Variants in GHR observed in about 807,000 individuals in gnomAD.
GHR encodes the protein GH receptor.
A neutral mutation model predicts 67.1 loss-of-function variants in GHR; 35 were observed. The observed-to-expected ratio is 0.52, with a 90% CI of 0.40 to 0.69. GHR has a LOEUF of 0.69. Among genes scored for constraint, GHR ranks in the 30% least tolerant of loss-of-function variants. GHR has a pLI of 0.00. For missense variants in GHR, 792 were observed against 764.6 expected (o/e 1.04, Z -0.42); for synonymous variants, 272 against 269.1 (o/e 1.01, Z -0.10).
chr5:42,560,035 A>G (rs995834674), intron 1 of GHR, among the ~76,000 whole-genome samples: 3 of 152,184 alleles, frequency 2.0e-5, no homozygotes, highest in Non-Finnish European at 4.4e-5. Context: ...CCCATATATT[A>G]ATTTATTAAC....
chr5:42,566,206 A>G (rs572576202), intron 2 of GHR, among the ~76,000 whole-genome samples: 17 of 152,296 alleles, frequency 1.1e-4, no homozygotes, highest in Admixed American at 6.5e-4. Context: ...GAGGACATTT[A>G]TGTTGAAGAC....
chr5:42,700,338 G>A (rs1270421972), intron 6 of GHR, among the ~76,000 whole-genome samples: 1 of 152,174 alleles, frequency 6.6e-6, no homozygotes, highest in Non-Finnish European at 1.5e-5. Flanking sequence ...TTGTGATCCA[G>A]TCAACAGTGA....
chr5:42,674,460 T>TCCTCATGGAGTAAC (rs1756472055), intron 3 of GHR, among the ~76,000 whole-genome samples: 1 of 152,150 alleles, frequency 6.6e-6, no homozygotes, highest in African/African-American at 2.4e-5. Context: ...CTAGAACATT[T>TCCTCATGGAGTAAC]TCATTACTTC....
At chr5:42,494,215 C>T (rs1746228621) in intron 1 of GHR, among the ~76,000 whole-genome samples, 1 of 152,062 alleles carries the variant, frequency 6.6e-6, no homozygotes, top group Non-Finnish European at 1.5e-5. Context: ...GGCTTTCTTT[C>T]TAGTGTAACA....
intron 1 of GHR, among the ~76,000 whole-genome samples, chr5:42,475,270 C>T (rs1191992297): frequency 6.6e-6 from 1 of 152,028 alleles, no homozygotes; most frequent in Non-Finnish European, 1.5e-5. Flanking sequence ...TATGCTTGGG[C>T]TGGAATTTCC....
chr5:42,505,358 T>C (rs2112245681), intron 1 of GHR, among the ~76,000 whole-genome samples: 1 of 152,050 alleles, frequency 6.6e-6, no homozygotes. Context: ...TTTTTTTTGC[T>C]TTTACAAGTA....
intron 2 of GHR, among the ~76,000 whole-genome samples, chr5:42,583,386 C>T (rs1006773004): frequency 2.0e-5 from 3 of 152,318 alleles, no homozygotes; most frequent in Admixed American, 6.5e-5. Flanking sequence ...TTGCGTTCCA[C>T]CTTGACAATT....
At chr5:42,510,009 G>A (rs1026479783) in intron 1 of GHR, among the ~76,000 whole-genome samples, 2 of 152,086 alleles carry the variant, frequency 1.3e-5, no homozygotes, top group Non-Finnish European at 1.5e-5. Flanking sequence ...ATTTCCACTT[G>A]CATGCCTTAA....
At chr5:42,641,008 T>A (rs1754444579) in intron 3 of GHR, among the ~76,000 whole-genome samples, 1 of 152,118 alleles carries the variant, frequency 6.6e-6, no homozygotes, top group Admixed American at 6.5e-5. Context: ...AGGCAGGCAC[T>A]CAAACAGAAA....
At chr5:42,689,594 A>C (rs757929181) in intron 4 of GHR, among the ~76,000 whole-genome samples, 1 of 152,188 alleles carries the variant, frequency 6.6e-6, no homozygotes, top group Admixed American at 6.5e-5. Context: ...CTATGCAGGC[A>C]GAGGAAATTG....
chr5:42,618,467 C>A (rs551361075), intron 2 of GHR, among the ~76,000 whole-genome samples: 2 of 152,142 alleles, frequency 1.3e-5, no homozygotes, highest in Non-Finnish European at 2.9e-5. Context: ...AAACATATTA[C>A]AGATATTTAT....
intron 7 of GHR, 44 bp downstream of exon 7, chr5:42,711,416 G>A: frequency 7.1e-7 from 1 of 1,406,766 alleles, no homozygotes; most frequent in South Asian, 1.2e-5. Context: ...CCTGGCTTTT[G>A]TCAATATAAC....
chr5:42,637,477 C>T (rs1004698845), intron 3 of GHR, among the ~76,000 whole-genome samples: 1 of 152,094 alleles, frequency 6.6e-6, no homozygotes, highest in Non-Finnish European at 1.5e-5. Flanking sequence ...CTAGTAGTCC[C>T]CTGTGTCTAC....
chr5:42,506,706 A>G (rs530232479), intron 1 of GHR, among the ~76,000 whole-genome samples: 1 of 152,304 alleles, frequency 6.6e-6, no homozygotes, highest in East Asian at 1.9e-4. Flanking sequence ...TGTCGACATC[A>G]CTAGTGACAC....
chr5:42,544,814 C>A (rs1748666763), intron 1 of GHR, among the ~76,000 whole-genome samples: 1 of 152,054 alleles, frequency 6.6e-6, no homozygotes, highest in African/African-American at 2.4e-5. Context: ...GATCCTACAA[C>A]CTAAGAGTAG....
rs576961640 is a variant in GHR, at chr5:42,441,726, G to T, written c.-12+17771G>T. Among the ~76,000 whole-genome samples, 90 of 152,238 alleles carry T rather than the reference G, an allele frequency of 5.9e-4. 1 individual carries two copies. The South Asian group carries it at 0.015, about 25-fold the overall frequency. ...GGGTTTCACCGTGTTAGCCAGGATG[G>T]TCTCGATCTCCTGACCTCATGATTC... On this transcript the variant is annotated intron_variant, in intron 1 of 9. Transcript: ENST00000230882.
chr5:42,573,863 A>T (rs772410378), intron 2 of GHR, among the ~76,000 whole-genome samples: 10 of 152,178 alleles, frequency 6.6e-5, no homozygotes, highest in Non-Finnish European at 1.3e-4. Flanking sequence ...GTATTTTTTA[A>T]TTTTTTGGCA....
At chr5:42,697,018 AG>A (rs1281244023) in intron 5 of GHR, among the ~76,000 whole-genome samples, 5 of 152,300 alleles carry the variant, frequency 3.3e-5, no homozygotes, top group African/African-American at 1.2e-4. Flanking sequence ...GACGGACTAG[AG>A]GTAGAAGAGG....
chr5:42,481,625 C>T (rs968420720), intron 1 of GHR, among the ~76,000 whole-genome samples: 3 of 152,288 alleles, frequency 2.0e-5, no homozygotes, highest in Non-Finnish European at 4.4e-5. Flanking sequence ...CTTCTCGCTT[C>T]ATTTCATTCA....
Sources: allele counts gnomAD v4.1 joint callset (sites outside exome capture counted in the v4.1 genomes callset), GRCh38; gene constraint gnomAD v4.1.1; transcripts MANE v1.5; gene names NCBI Gene and HGNC (gene_info 2026-07-23, HGNC 2026-07-21).